FOXP2: variants seen among roughly 807,000 people sequenced by gnomAD.
FOXP2 encodes forkhead box protein P2.
Under a neutral mutation model 115.8 loss-of-function variants are expected in FOXP2, and 12 were observed. That is an observed-to-expected ratio of 0.10 (90% CI 0.07 to 0.17). The LOEUF (loss-of-function observed/expected upper bound fraction) is 0.17. FOXP2 is among the 10% of genes least tolerant of loss of function. The pLI is 1.00. For missense variants in FOXP2, 629 were observed against 843.5 expected, an observed-to-expected ratio of 0.75 and a Z score of 3.15; for synonymous variants, 328 against 297.7, an observed-to-expected ratio of 1.10 and a Z score of -1.05.
chr7:114,288,500 G>T (rs1295364768), intron 2 of FOXP2, among the ~76,000 whole-genome samples: 3 of 151,658 alleles, frequency 2.0e-5, no homozygotes, highest in Non-Finnish European at 3.0e-5. Context: ...AGTTCATTTG[G>T]TATTGAAGTT....
chr7:114,328,361 C>T (rs1797613140), intron 2 of FOXP2, among the ~76,000 whole-genome samples: 1 of 151,768 alleles, frequency 6.6e-6, no homozygotes, highest in Non-Finnish European at 1.5e-5. Context: ...CTCAGCCTCC[C>T]AAGTAGCTGG....
intron 1 of FOXP2, among the ~76,000 whole-genome samples, chr7:114,198,505 A>T (rs1413737436): frequency 6.6e-6 from 1 of 152,184 alleles, no homozygotes; most frequent in Non-Finnish European, 1.5e-5. Flanking sequence ...TTAGATTCTC[A>T]TAAGAAACAT....
intron 10 of FOXP2, among the ~76,000 whole-genome samples, chr7:114,654,605 A>G (rs892029371): frequency 6.6e-6 from 1 of 152,174 alleles, no homozygotes; most frequent in African/African-American, 2.4e-5. Flanking sequence ...AATTAAGACT[A>G]GTTTCCCTCA....
intron 2 of FOXP2, among the ~76,000 whole-genome samples, chr7:114,373,363 G>A (rs1350592648): frequency 6.6e-6 from 1 of 152,096 alleles, no homozygotes; most frequent in Admixed American, 6.5e-5. Context: ...GAGCTACAGA[G>A]CAGCTGTGGA....
At chr7:114,600,903 T>C (rs1802987511) in intron 3 of FOXP2, among the ~76,000 whole-genome samples, 1 of 152,130 alleles carries the variant, frequency 6.6e-6, no homozygotes, top group Admixed American at 6.6e-5. Context: ...TAAGTCTTTA[T>C]CAGATATGTG....
chr7:114,119,876 G>GC (rs1791511832), intron 1 of FOXP2, among the ~76,000 whole-genome samples: 3 of 151,990 alleles, frequency 2.0e-5, no homozygotes, highest in Non-Finnish European at 4.4e-5. Context: ...CCTGTGTATT[G>GC]CCCCCAGAAA....
intron 3 of FOXP2, among the ~76,000 whole-genome samples, chr7:114,610,464 G>T (rs1412952411): frequency 6.6e-6 from 1 of 152,062 alleles, no homozygotes; most frequent in East Asian, 1.9e-4. Context: ...AATCGTAAGT[G>T]AATTTTAAAA....
At chr7:114,523,203 T>A (rs376944168) in intron 2 of FOXP2, among the ~76,000 whole-genome samples, 18 of 152,280 alleles carry the variant, frequency 1.2e-4, no homozygotes, top group African/African-American at 4.3e-4. Flanking sequence ...TCATCAATGA[T>A]AGGGATGAGA....
At chr7:114,642,799 TA>T (rs1563054413) in intron 7 of FOXP2, among the ~76,000 whole-genome samples, 176 bp downstream of exon 7, 7,858 of 57,036 alleles carry the variant, frequency 0.14, 725 homozygotes, top group East Asian at 0.28. Context: ...TATATATATA[TA>T]TATATATATA....
intron 2 of FOXP2, among the ~76,000 whole-genome samples, chr7:114,341,071 G>A (rs1291194925): frequency 1.3e-5 from 2 of 151,140 alleles, no homozygotes; most frequent in African/African-American, 4.8e-5. Context: ...TATCTGGAAA[G>A]CATAAATTAT....
At chr7:114,443,065 A>G (rs1352954832) in intron 2 of FOXP2, among the ~76,000 whole-genome samples, 2 of 152,206 alleles carry the variant, frequency 1.3e-5, no homozygotes, top group African/African-American at 2.4e-5. Context: ...CCACATCCTT[A>G]TGGTAGGTCA....
At chr7:114,573,873 A>G (rs889736374) in intron 3 of FOXP2, among the ~76,000 whole-genome samples, 3 of 151,852 alleles carry the variant, frequency 2.0e-5, no homozygotes, top group Non-Finnish European at 4.4e-5. Flanking sequence ...AATATTACAT[A>G]TTTGATATTA....
intron 1 of FOXP2, among the ~76,000 whole-genome samples, chr7:114,225,762 A>G (rs1226810556): frequency 6.6e-6 from 1 of 152,092 alleles, no homozygotes; most frequent in Non-Finnish European, 1.5e-5. Flanking sequence ...CTTTTCTAGC[A>G]ATTTTTAACT....
intron 1 of FOXP2, among the ~76,000 whole-genome samples, chr7:114,202,635 A>G (rs996607720): frequency 1.3e-5 from 2 of 152,196 alleles, no homozygotes; most frequent in Non-Finnish European, 1.5e-5. Context: ...TCACAGTGGT[A>G]TTGGAAACCT....
chr7:114,331,170 A>G (rs192775379), intron 2 of FOXP2, among the ~76,000 whole-genome samples: 3 of 152,300 alleles, frequency 2.0e-5, no homozygotes, highest in Admixed American at 2.0e-4. Flanking sequence ...TAAGACAAAT[A>G]AATCTAAAGA....
chr7:114,495,472 T>C (rs2129247636), intron 2 of FOXP2, among the ~76,000 whole-genome samples: 1 of 131,490 alleles, frequency 7.6e-6, no homozygotes, highest in East Asian at 2.2e-4. Context: ...TTGTTTTTTC[T>C]TTCTCTCTCT....
intron 1 of FOXP2, among the ~76,000 whole-genome samples, chr7:114,184,294 A>G (rs777820645): frequency 3.9e-5 from 6 of 152,144 alleles, no homozygotes; most frequent in African/African-American, 1.4e-4. Context: ...TTATAATACT[A>G]GACTCGTTAA....
chr7:114,584,245 T>A (rs546794342), intron 3 of FOXP2, among the ~76,000 whole-genome samples: 122 of 152,208 alleles, frequency 8.0e-4, no homozygotes, highest in Middle Eastern at 6.8e-3. Flanking sequence ...AAACATCATT[T>A]AAAGGAAATC....
At chr7:114,122,387 G>A (rs1339631184) in intron 1 of FOXP2, among the ~76,000 whole-genome samples, 2 of 149,818 alleles carry the variant, frequency 1.3e-5, no homozygotes, top group Non-Finnish European at 1.5e-5. Flanking sequence ...TCTTTGTATC[G>A]CTCCCTGTTT....
Sources: allele counts gnomAD v4.1 joint callset (sites outside exome capture counted in the v4.1 genomes callset), GRCh38; gene constraint gnomAD v4.1.1; transcripts MANE v1.5; gene names NCBI Gene and HGNC (gene_info 2026-07-23, HGNC 2026-07-21).